The following RHBDF2 variants were observed in gnomAD, a reference collection of about 807,000 sequenced individuals.
The protein encoded by RHBDF2 is rhomboid 5 homolog 2.
Under a neutral mutation model 95.2 loss-of-function variants are expected in RHBDF2, and 38 were observed. The observed-to-expected ratio is 0.40, with a 90% confidence interval of 0.31 to 0.52. RHBDF2 has a LOEUF of 0.52. Ranked by LOEUF, RHBDF2 falls within the 20% of genes least tolerant of loss-of-function variation. The pLI, the probability that RHBDF2 is intolerant of heterozygous loss-of-function variation, is 0.56. For synonymous variants in RHBDF2, 442 were observed against 462.0 expected, an observed-to-expected ratio of 0.96 and a Z score of 0.55; for missense variants, 863 against 1,137.7, an observed-to-expected ratio of 0.76 and a Z score of 3.47.
At position 76,497,051 on chromosome 17, in the gene RHBDF2, G is replaced by A. The variant is rs113042706; in HGVS notation, c.-220+4302C>T. On this transcript the variant is annotated intron_variant, in intron 1 of 18. Transcript: ENST00000675367. ...GCTGGGATTACAGGCGTGAGCCACC[G>A]CGCCTGGCCCCAGATCTTCTTATGA... Among the ~76,000 whole-genome samples, 1,006 of 152,292 alleles carry A rather than the reference G, an allele frequency of 6.6e-3. 10 individuals are homozygous for A. Among genetic ancestry groups the A allele is most frequent in the African/African-American group, 0.023 (959 of 41,564 alleles).
In RHBDF2 at chr17:76,475,040, G is replaced by A. The variant is rs1490218008; in HGVS notation, c.1217C>T (p.Thr406Ile). ...CCTGACCCGACTCACCAGCTGGGTG[G>A]TGACGTGCTGGGCAAAGCCCACGGG... ...IAPVGFAQHV[T>I]TQLVLRNKGV... Residue 406 changes from threonine to isoleucine, a missense_variant, in exon 10 of 19, where the codon ACC becomes ATC. Around this residue, in one of 2 missense-constraint regions of RHBDF2, gnomAD observed 611 missense variants for 725.5 expected, o/e 0.84. Transcript: ENST00000675367. 6.3e-7 allele frequency: 1 copy of A among 1,585,614 alleles called. No homozygotes were observed. Among genetic ancestry groups the A allele is most frequent in the East Asian group, 2.3e-5 (1 of 43,866 alleles).
intron 14 of RHBDF2, 46 bp downstream of exon 14, chr17:76,473,793 C>T (rs2144055610): frequency 6.2e-7 from 1 of 1,611,970 alleles, no homozygotes; most frequent in Non-Finnish European, 8.5e-7. Context: ...CAGGCAGGTC[C>T]CCCATCCCTG....
intron 1 of RHBDF2, chr17:76,500,813 G>A (rs1232681391): frequency 6.6e-6 from 1 of 152,350 alleles, no homozygotes; most frequent in African/African-American, 2.4e-5. Context: ...CAGGACTCCT[G>A]GGTCCAATTT....
At chr17:76,491,488 G>C (rs1032967674) in intron 1 of RHBDF2, among the ~76,000 whole-genome samples, 10 of 152,312 alleles carry the variant, frequency 6.6e-5, no homozygotes, top group Middle Eastern at 6.8e-3. Flanking sequence ...ACAGGGCCAG[G>C]GCGGGTGGGC....
Position 76,473,508 on chromosome 17 carries a change from A to G in RHBDF2, c.1733+140T>C. 7.4e-6 allele frequency: 7 copies of G among 946,928 alleles called. No homozygotes were observed. The East Asian group carries it at 1.8e-4, about 25-fold the overall frequency. The allele number at this position is 946,928 out of a possible 1,614,324, so 58.7% of individuals were successfully genotyped here. ...CAGCTCGCACCATGGGTAGCCCCAG[A>G]GCAGGGGAGCAAAGGACAGTTATTG... On this transcript the variant is annotated intron_variant, in intron 15 of 18. Transcript: ENST00000675367.
intron 3 of RHBDF2, 143 bp from the exon 4 acceptor site, chr17:76,479,997 T>G: frequency 1.0e-6 from 1 of 987,628 alleles, no homozygotes; most frequent in Non-Finnish European, 1.5e-6. Context: ...TTTGGAAATA[T>G]ATATATATAA....
chr17:76,472,121 G>A, intron 18 of RHBDF2, 69 bp from the exon 19 acceptor site: 6 of 1,420,070 alleles, frequency 4.2e-6, no homozygotes, highest in Non-Finnish European at 4.7e-6. Context: ...CTGCACCCTG[G>A]GTCATCCCAT....
rs141169581 is a variant in RHBDF2 at position 76,479,827 on chromosome 17, C to T, written c.178G>A (p.Val60Ile). ...CGGCTGCGTGGCTCCTGGAGGCTGACGCTCTTCAAGTAGGCTGGGTTCTTC... is the reference window on the plus strand; with the variant it reads ...CGGCTGCGTGGCTCCTGGAGGCTGATGCTCTTCAAGTAGGCTGGGTTCTTC... The part of the protein sequence containing the change: ...ERKNPAYLKS[V>I]SLQEPRSRWQ... The change falls in exon 4 of 19, where the codon GTC (valine) becomes ATC (isoleucine). Residue 60 changes from valine to isoleucine, a missense_variant. Coordinates refer to ENST00000675367, the MANE Select transcript of RHBDF2 (RefSeq NM_001005498.4). 71 of 1,612,994 alleles carry T rather than the reference C, an allele frequency of 4.4e-5. No homozygotes were observed. Among genetic ancestry groups the T allele is most frequent in the South Asian group, 1.2e-4 (11 of 90,918 alleles).
In RHBDF2 at chr17:76,474,817, T is replaced by G; in HGVS notation, c.1228-13A>C. On this transcript the variant is annotated splice_polypyrimidine_tract_variant and intron_variant, in intron 10 of 18. Coordinates refer to ENST00000675367, the MANE Select transcript of RHBDF2 (RefSeq NM_001005498.4). ...TGTTCCGCAGCACCTATCGTGGAGG[T>G]AGCACAGAGGAGGGCGTCAGAACAG... 1.9e-6 allele frequency: 3 copies of G among 1,611,762 alleles called. No individual in the cohort carries two copies. Among genetic ancestry groups the G allele is most frequent in the Non-Finnish European group, 1.7e-6 (2 of 1,178,268 alleles).
chr17:76,479,448 G>A, intron 4 of RHBDF2, 171 bp from the exon 5 acceptor site: 1 of 1,004,982 alleles, frequency 1.0e-6, no homozygotes, highest in East Asian at 2.6e-5. Context: ...GCAGAAGCAG[G>A]GGATGACGGG....
rs2073649281 is a variant in RHBDF2 at position 76,473,273 on chromosome 17, C to T, written c.1788G>A (p.Glu596=). 1.2e-6 allele frequency: 2 copies of T among 1,613,038 alleles called. No homozygotes were observed. Among genetic ancestry groups the T allele is most frequent in the Admixed American group, 1.7e-5 (1 of 59,822 alleles). The change falls in exon 16 of 19, where the codon GAG becomes GAA. Residue 596 remains glutamate (E), a synonymous_variant. Transcript: ENST00000675367. ...YCEFMHGYFH[E]EATLCSQVHC... ...TCACCTGGGAGCAGAGTGTTGCTTC[C>T]TCATGGAAATAGCCGTGCATGAACT...
chr17:76,477,564 C>G (rs2073813934), intron 7 of RHBDF2, 93 bp downstream of exon 7: 1 of 1,407,750 alleles, frequency 7.1e-7, no homozygotes, highest in Non-Finnish European at 9.9e-7. Flanking sequence ...CTGGGTCCCT[C>G]AGGGGTTCCT....
At chr17:76,480,011 G>A (rs2073903002) in intron 3 of RHBDF2, 157 bp from the exon 4 acceptor site, 1 of 105,462 alleles carries the variant, frequency 9.5e-6, no homozygotes, top group Admixed American at 2.6e-4. Flanking sequence ...TATATAATGT[G>A]TGTGTGTGTG....
intron 1 of RHBDF2, among the ~76,000 whole-genome samples, chr17:76,496,211 A>G (rs536712633): frequency 1.3e-5 from 2 of 152,288 alleles, no homozygotes; most frequent in East Asian, 1.9e-4. Context: ...CACACACCCA[A>G]CGCCCAGTTG....
intron 7 of RHBDF2, 134 bp from the exon 8 acceptor site, chr17:76,477,432 A>G: frequency 2.4e-6 from 3 of 1,238,678 alleles, no homozygotes; most frequent in Non-Finnish European, 3.4e-6. Flanking sequence ...CATGCCCGTC[A>G]GCCCCAATGG....
In RHBDF2 at chr17:76,471,466, T is replaced by A. The variant is rs1395923573; in HGVS notation, c.*167A>T. 5.5e-6 allele frequency: 4 copies of A among 724,360 alleles called. No homozygotes were observed. The highest frequency in any genetic ancestry group is 8.9e-6 in the Non-Finnish European group (4 of 451,080). 44.9% of individuals were successfully genotyped at this position (724,360 alleles called of 1,614,324 possible). On this transcript the variant is annotated 3_prime_UTR_variant, in exon 19 of 19. Transcript: ENST00000675367. The stretch of plus-strand genomic sequence containing the variant: ...AGAAAAACCCCGCCTTAACCAACCA[T>A]CTCACGCGGAGTCAGCCTCGCCTGG...
In RHBDF2 at chr17:76,487,252, A is replaced by AT. The variant is rs35456053; in HGVS notation, c.-22+459dup. Among the ~76,000 whole-genome samples the AT allele has an allele frequency of 6.4e-3, 864 of 134,756 alleles. 5 individuals are homozygous for AT. The highest frequency in any genetic ancestry group is 0.019 in the African/African-American group (683 of 35,988). 88.4% of individuals were successfully genotyped at this position (134,756 alleles called of 152,430 possible). On this transcript the variant is annotated intron_variant, in intron 2 of 18. Coordinates refer to ENST00000675367, the MANE Select transcript of RHBDF2 (RefSeq NM_001005498.4). ...AGGCGTGAGCCAGCATGCCTGGCAA[A>AT]TTTTTTTTTTTTTTGAGATGTAGTC...
chr17:76,484,402 A>G (rs1361051803), intron 2 of RHBDF2, among the ~76,000 whole-genome samples: 3 of 152,098 alleles, frequency 2.0e-5, no homozygotes, highest in African/African-American at 7.2e-5. Flanking sequence ...GGAGCCCTTC[A>G]GCCAAGGGCG....
chr17:76,473,566 C>A, intron 15 of RHBDF2, 82 bp downstream of exon 15: 1 of 1,217,264 alleles, frequency 8.2e-7, no homozygotes. Flanking sequence ...TGGGTGGTGA[C>A]GGTGGAGGAG....
Sources: allele counts gnomAD v4.1 joint callset (sites outside exome capture counted in the v4.1 genomes callset), GRCh38; gene constraint gnomAD v4.1.1; regional missense constraint gnomAD v4.1.1; transcripts MANE v1.5; gene names NCBI Gene and HGNC (gene_info 2026-07-23, HGNC 2026-07-21).